Variants in SLC35F4 observed in about 807,000 individuals in gnomAD.
SLC35F4 encodes solute carrier family 35 member F4, also known as chromosome 14 open reading frame 36.
A neutral mutation model predicts 44.2 loss-of-function variants in SLC35F4; 24 were observed. The ratio of observed to expected loss-of-function variants is 0.54; its 90% confidence interval spans 0.39 to 0.76. The LOEUF is 0.76. Ranked by LOEUF, SLC35F4 falls within the 30% of genes least tolerant of loss-of-function variation. The pLI is 0.00. For synonymous variants in SLC35F4, 238 were observed against 223.6 expected, an observed-to-expected ratio of 1.06 and a Z score of -0.57; for missense variants, 562 against 586.1, an observed-to-expected ratio of 0.96 and a Z score of 0.42.
chr14:57,975,223 A>G (rs1454859862), downstream of SLC35F4, among the ~76,000 whole-genome samples: 2 of 152,214 alleles, frequency 1.3e-5, no homozygotes, highest in Admixed American at 1.3e-4. Flanking sequence ...CTACAATCCT[A>G]CGTAGCAGGA....
At chr14:57,825,090 A>G (rs566264409) in intron 1 of SLC35F4, among the ~76,000 whole-genome samples, 44 of 152,114 alleles carry the variant, frequency 2.9e-4, no homozygotes, top group African/African-American at 1.0e-3. Flanking sequence ...TTGATGGTAG[A>G]ACTTAAGCTT....
chr14:57,920,802 A>G (rs1441787761), intron 1 of SLC35F4, among the ~76,000 whole-genome samples: 3 of 152,198 alleles, frequency 2.0e-5, no homozygotes, highest in East Asian at 1.9e-4. Context: ...TTCTAGCCCA[A>G]TAAGCTTTAG....
chr14:57,566,749 C>T (rs1347374940), intron 6 of SLC35F4, among the ~76,000 whole-genome samples, 185 bp from the exon 7 acceptor site: 2 of 152,158 alleles, frequency 1.3e-5, no homozygotes, highest in Non-Finnish European at 2.9e-5. Context: ...CTTCTTTCCT[C>T]GTCTGCCACT....
chr14:57,883,982 C>T (rs921069731), intron 1 of SLC35F4, among the ~76,000 whole-genome samples: 2 of 152,108 alleles, frequency 1.3e-5, no homozygotes, highest in African/African-American at 4.8e-5. Flanking sequence ...AGAAAGGAAA[C>T]GTTTCCAGCT....
intron 1 of SLC35F4, among the ~76,000 whole-genome samples, chr14:57,834,991 T>C (rs1288581645): frequency 6.6e-6 from 1 of 152,186 alleles, no homozygotes; most frequent in Non-Finnish European, 1.5e-5. Flanking sequence ...ATCGCACCAC[T>C]GCACTCCAGC....
intron 1 of SLC35F4, among the ~76,000 whole-genome samples, chr14:57,647,346 C>G (rs1408714588): frequency 6.6e-6 from 1 of 152,142 alleles, no homozygotes; most frequent in Non-Finnish European, 1.5e-5. Flanking sequence ...GTTACCTCTT[C>G]TTGTTGAATT....
At chr14:57,606,814 G>A (rs565004547) in intron 1 of SLC35F4, among the ~76,000 whole-genome samples, 15 of 152,232 alleles carry the variant, frequency 9.9e-5, no homozygotes, top group South Asian at 2.1e-4. Flanking sequence ...ATTTGACAAC[G>A]CATTAATAAG....
chr14:57,606,846 G>T (rs1012001139), intron 1 of SLC35F4, among the ~76,000 whole-genome samples: 1 of 152,182 alleles, frequency 6.6e-6, no homozygotes, highest in Non-Finnish European at 1.5e-5. Flanking sequence ...ATCCATTATA[G>T]TTCAAAACTC....
chr14:57,675,702 T>C (rs977767745), intron 1 of SLC35F4, among the ~76,000 whole-genome samples: 3 of 152,116 alleles, frequency 2.0e-5, no homozygotes, highest in Admixed American at 2.0e-4. Flanking sequence ...ATGACTGTTT[T>C]GTTGAGGGTT....
At chr14:57,900,671 T>C (rs902237599) in intron 1 of SLC35F4, among the ~76,000 whole-genome samples, 1 of 151,968 alleles carries the variant, frequency 6.6e-6, no homozygotes, top group Non-Finnish European at 1.5e-5. Context: ...AAAGCAAAAA[T>C]TGACAAATAG....
chr14:57,690,209 C>T (rs1334476136), intron 1 of SLC35F4, among the ~76,000 whole-genome samples: 1 of 152,216 alleles, frequency 6.6e-6, no homozygotes, highest in South Asian at 2.1e-4. Context: ...CCATTATAAG[C>T]TGTTTATTTG....
intron 1 of SLC35F4, among the ~76,000 whole-genome samples, chr14:57,696,351 T>C (rs1334083830): frequency 6.6e-6 from 1 of 152,068 alleles, no homozygotes; most frequent in African/African-American, 2.4e-5. Flanking sequence ...GAAACACAAA[T>C]CTAAACCACA....
chr14:57,906,030 A>G (rs1889098063), intron 1 of SLC35F4, among the ~76,000 whole-genome samples: 1 of 152,202 alleles, frequency 6.6e-6, no homozygotes, highest in East Asian at 1.9e-4. Context: ...GAAAGAGGAC[A>G]CAGAAACGGA....
intron 1 of SLC35F4, among the ~76,000 whole-genome samples, chr14:57,639,486 A>T (rs992743): frequency 0.62 from 94,513 of 151,806 alleles, 29,900 homozygotes; most frequent in Non-Finnish European, 0.68. Flanking sequence ...TTATGTTCAG[A>T]TTGGGTTTAC....
chr14:57,855,681 A>G (rs1446857236), intron 1 of SLC35F4, among the ~76,000 whole-genome samples: 1 of 152,232 alleles, frequency 6.6e-6, no homozygotes, highest in African/African-American at 2.4e-5. Context: ...TAGGAATCCC[A>G]TTATTGGGTA....
intron 1 of SLC35F4, among the ~76,000 whole-genome samples, chr14:57,628,914 T>C (rs1361338641): frequency 1.3e-5 from 2 of 152,138 alleles, no homozygotes; most frequent in African/African-American, 4.8e-5. Context: ...CAACAGGTCA[T>C]TTCAGCTGTA....
rs533006309 is a variant in SLC35F4, at chr14:57,750,419, C to T, written c.103+115304G>A. Among the ~76,000 whole-genome samples, 17 of 152,214 alleles carry T rather than the reference C, an allele frequency of 1.1e-4. No homozygotes were observed. In the South Asian group the frequency reaches 3.5e-3, roughly 32 times the overall value. On this transcript the variant is annotated intron_variant, in intron 1 of 7. Coordinates refer to ENST00000556826, the MANE Select transcript of SLC35F4 (RefSeq NM_001306087.2). ...GGATAGATACCCAGTAGTGGGATTG[C>T]TGGATCAAATGGTAATTCTATTTGA...
chr14:57,956,713 A>T (rs1187394525), intron 1 of SLC35F4, among the ~76,000 whole-genome samples: 1 of 152,246 alleles, frequency 6.6e-6, no homozygotes, highest in African/African-American at 2.4e-5. Flanking sequence ...ACTGGTCATT[A>T]GAGAAAAACA....
At chr14:57,969,079 T>C (rs1880974513) in intron 1 of SLC35F4, among the ~76,000 whole-genome samples, 1 of 152,236 alleles carries the variant, frequency 6.6e-6, no homozygotes, top group Non-Finnish European at 1.5e-5. Context: ...ATCTGACACA[T>C]GAAGAGACTA....
Sources: gnomAD v4.1 joint callset for allele counts (sites outside exome capture counted in the v4.1 genomes callset) on GRCh38, gnomAD v4.1.1 for gene constraint, MANE v1.5 for transcripts, NCBI Gene and HGNC (gene_info 2026-07-23, HGNC 2026-07-21) for gene names.